Variants in MDGA2 observed in about 807,000 individuals in gnomAD.
MDGA2 encodes the protein MAM domain containing glycosylphosphatidylinositol anchor 2.
MDGA2 carries 40 observed loss-of-function variants against 117.8 expected under a neutral mutation model. That is an observed-to-expected ratio of 0.34 (90% CI 0.26 to 0.44). The LOEUF (loss-of-function observed/expected upper bound fraction) is 0.44, where lower values mean the gene tolerates loss of function less well. Among genes scored for constraint, MDGA2 ranks in the 20% least tolerant of loss-of-function variants. The probability of loss-of-function intolerance (pLI) is 1.00; values close to 1 mark genes in which losing one functional copy is unlikely to be tolerated. For missense variants in MDGA2, 1,123 were observed against 1,250.6 expected, an observed-to-expected ratio of 0.90 and a Z score of 1.54; for synonymous variants, 452 against 439.0, an observed-to-expected ratio of 1.03 and a Z score of -0.37.
chr14:46,841,733 T>G lies in MDGA2; in HGVS notation c.*198A>C, dbSNP rs536632969. 4 of 397,850 alleles carry G rather than the reference T, an allele frequency of 1.0e-5. No homozygotes were observed. The highest frequency in any genetic ancestry group is 1.8e-5 in the Non-Finnish European group (4 of 221,932). The allele number at this position is 397,850 out of a possible 1,614,324, so 24.6% of individuals were successfully genotyped here. Reference sequence around the variant, plus strand: ...ACTCAGGTCAAGATTATCTTTTATGTTTAGTCTGGAATAAGTTATACTTCC... The same window carrying G: ...ACTCAGGTCAAGATTATCTTTTATGGTTAGTCTGGAATAAGTTATACTTCC... On this transcript the variant is annotated 3_prime_UTR_variant, in exon 17 of 17. Transcript: ENST00000399232.
At chr14:47,626,786 G>A (rs147531989) in intron 1 of MDGA2, among the ~76,000 whole-genome samples, 14,009 of 152,286 alleles carry the variant, frequency 0.092, 674 homozygotes, top group Middle Eastern at 0.12. Flanking sequence ...CGCCATGCCT[G>A]AGCATCCCCC....
chr14:46,989,113 T>C lies in MDGA2; in HGVS notation c.1820-31470A>G, dbSNP rs77677312. Among the ~76,000 whole-genome samples, 31 of 152,240 alleles carry C rather than the reference T, an allele frequency of 2.0e-4. No homozygotes were observed. The East Asian group carries it at 4.8e-3, about 24-fold the overall frequency. On this transcript the variant is annotated intron_variant, in intron 8 of 16. Coordinates refer to ENST00000399232, the MANE Select transcript of MDGA2 (RefSeq NM_001113498.3). ...ATTACATGCACTCATAATTCTCTGC[T>C]TGGTTATCACTTTTCTTTGTATCTG...
At chr14:46,962,755 T>C (rs1885862109) in intron 8 of MDGA2, among the ~76,000 whole-genome samples, 1 of 152,148 alleles carries the variant, frequency 6.6e-6, no homozygotes. Context: ...AAGGGCTGAC[T>C]GAAGGTTACA....
intron 1 of MDGA2, among the ~76,000 whole-genome samples, chr14:47,309,287 A>C (rs1889559263): frequency 6.6e-6 from 1 of 152,102 alleles, no homozygotes; most frequent in Non-Finnish European, 1.5e-5. Flanking sequence ...CATCAATGTA[A>C]ACTTATTTCT....
intron 2 of MDGA2, among the ~76,000 whole-genome samples, chr14:47,281,449 C>T (rs1435995183): frequency 1.3e-5 from 2 of 152,016 alleles, no homozygotes; most frequent in Non-Finnish European, 2.9e-5. Flanking sequence ...GTGTTTATTT[C>T]CATTTTTAAA....
chr14:46,990,728 A>AT (rs921494809), intron 8 of MDGA2, among the ~76,000 whole-genome samples: 1 of 151,936 alleles, frequency 6.6e-6, no homozygotes, highest in African/African-American at 2.4e-5. Context: ...TAAAATACAA[A>AT]TTTTTCTTGG....
chr14:47,285,847 G>T (rs568069148), intron 2 of MDGA2, among the ~76,000 whole-genome samples: 4 of 152,114 alleles, frequency 2.6e-5, no homozygotes, highest in South Asian at 2.1e-4. Flanking sequence ...TTTTCCAAAA[G>T]CAGCATAATT....
chr14:47,336,215 T>TTA (rs1181254844), intron 1 of MDGA2, among the ~76,000 whole-genome samples: 2 of 151,850 alleles, frequency 1.3e-5, no homozygotes, highest in Admixed American at 6.6e-5. Flanking sequence ...TCATGTATCT[T>TTA]TACCTTTAAC....
Position 47,070,125 on chromosome 14 carries a change from A to G in MDGA2, c.1196-8547T>C, listed in dbSNP as rs151243351. Among the ~76,000 whole-genome samples, 584 of 152,264 alleles carry G rather than the reference A, an allele frequency of 3.8e-3. 6 individuals are homozygous for G. Among genetic ancestry groups the G allele is most frequent in the African/African-American group, 0.013 (558 of 41,550 alleles). ...TACAATTAAATAATCATAATTGACT[A>G]TAGTCACCCTGTTGTGCTATCAAAT... is the stretch of plus-strand genomic sequence containing the variant. On this transcript the variant is annotated intron_variant, in intron 6 of 16. Transcript: ENST00000399232.
rs1189743448 is a variant in MDGA2 at position 47,484,246 on chromosome 14, A to AAT, written c.281-182697_281-182696insAT. 2.1e-3 allele frequency among the ~76,000 whole-genome samples: 318 copies of AAT among 151,368 alleles called. 1 individual carries two copies. The highest frequency in any genetic ancestry group is 3.3e-3 in the Non-Finnish European group (223 of 67,790). On this transcript the variant is annotated intron_variant, in intron 1 of 16. Coordinates refer to ENST00000399232, the MANE Select transcript of MDGA2 (RefSeq NM_001113498.3). ...AAAATTATAAGCCAGGAATTAAAAA[A>AAT]ACACATATATATGTAGGAATTACTT...
At chr14:47,580,108 C>T (rs1198095934) in intron 1 of MDGA2, among the ~76,000 whole-genome samples, 1 of 151,990 alleles carries the variant, frequency 6.6e-6, no homozygotes, top group East Asian at 1.9e-4. Context: ...GAATACTCTC[C>T]AAAGCTCAAG....
chr14:47,480,102 A>T (rs1893921227), intron 1 of MDGA2, among the ~76,000 whole-genome samples: 1 of 152,110 alleles, frequency 6.6e-6, no homozygotes, highest in Non-Finnish European at 1.5e-5. Flanking sequence ...TCGATTATTT[A>T]GAAATTATTT....
At chr14:46,872,378 G>C (rs746859519) in intron 14 of MDGA2, among the ~76,000 whole-genome samples, 5 of 151,660 alleles carry the variant, frequency 3.3e-5, no homozygotes, top group Non-Finnish European at 7.4e-5. Context: ...TAATCTCTGC[G>C]TATTGAAAAC....
intron 5 of MDGA2, among the ~76,000 whole-genome samples, chr14:47,130,446 A>G (rs963372570): frequency 1.1e-4 from 17 of 152,158 alleles, no homozygotes; most frequent in Admixed American, 9.2e-4. Flanking sequence ...GAACCATAGG[A>G]GGGTCCCAAT....
intron 2 of MDGA2, among the ~76,000 whole-genome samples, chr14:47,285,087 A>G (rs904332713): frequency 6.6e-6 from 1 of 152,150 alleles, no homozygotes; most frequent in Non-Finnish European, 1.5e-5. Flanking sequence ...ATCCAAAGAT[A>G]TATTAGAGAA....
intron 1 of MDGA2, among the ~76,000 whole-genome samples, chr14:47,524,553 A>C (rs2138719662): frequency 6.6e-6 from 1 of 152,342 alleles, no homozygotes; most frequent in South Asian, 2.1e-4. Context: ...TGTTCAATAT[A>C]TGACAAACAG....
intron 3 of MDGA2, among the ~76,000 whole-genome samples, chr14:47,213,839 T>C (rs148829018): frequency 1.3e-3 from 193 of 152,248 alleles, no homozygotes; most frequent in African/African-American, 4.5e-3. Flanking sequence ...GAGGTTTAAT[T>C]GACTCACAGT....
intron 1 of MDGA2, among the ~76,000 whole-genome samples, chr14:47,634,544 C>A (rs903734902): frequency 1.3e-5 from 2 of 152,040 alleles, no homozygotes; most frequent in African/African-American, 4.8e-5. Flanking sequence ...AAAGAAAAAT[C>A]GCTTGTAAAT....
At chr14:47,510,211 G>C (rs1185649645) in intron 1 of MDGA2, among the ~76,000 whole-genome samples, 1 of 152,106 alleles carries the variant, frequency 6.6e-6, no homozygotes, top group Non-Finnish European at 1.5e-5. Context: ...TAAGGATGAA[G>C]CAAGAAGACA....
Sources: allele counts gnomAD v4.1 joint callset (sites outside exome capture counted in the v4.1 genomes callset), GRCh38; gene constraint gnomAD v4.1.1; transcripts MANE v1.5; gene names NCBI Gene and HGNC (gene_info 2026-07-23, HGNC 2026-07-21).